The following CDK5RAP1 variants were observed in gnomAD, a reference collection of about 807,000 sequenced individuals.
CDK5RAP1 encodes mitochondrial tRNA methylthiotransferase CDK5RAP1.
Under a neutral mutation model 64.5 loss-of-function variants are expected in CDK5RAP1, and 62 were observed. That is an observed-to-expected ratio of 0.96 (90% CI 0.78 to 1.19). The LOEUF (loss-of-function observed/expected upper bound fraction) is 1.19, where lower values mean the gene tolerates loss of function less well. Among genes scored for constraint, CDK5RAP1 ranks in the 50% most tolerant of loss-of-function variants. The pLI, the probability that CDK5RAP1 is intolerant of heterozygous loss-of-function variation, is 0.00. For synonymous variants in CDK5RAP1, 250 were observed against 261.9 expected, an observed-to-expected ratio of 0.95 and a Z score of 0.44; for missense variants, 657 against 735.0, an observed-to-expected ratio of 0.89 and a Z score of 1.23.
In CDK5RAP1 at chr20:33,401,478, C is replaced by G. The variant is rs1253368594; in HGVS notation, c.-71G>C. 3.0e-6 allele frequency: 3 copies of G among 985,476 alleles called. No individual in the cohort carries two copies. The highest frequency in any genetic ancestry group is 3.6e-6 in the Non-Finnish European group (3 of 829,944). 61.0% of individuals were successfully genotyped at this position (985,476 alleles called of 1,614,324 possible). The stretch of plus-strand genomic sequence containing the variant: ...GGTCCCGCAGCGTAAGTTCTGCCGG[C>G]AAGTCGGATCCCCTCACAGGTCCGC... On this transcript the variant is annotated 5_prime_UTR_variant, in exon 1 of 14. Coordinates refer to ENST00000346416, the MANE Select transcript of CDK5RAP1 (RefSeq NM_016408.4).
At chr20:33,362,386 G>A (rs953639410) in intron 12 of CDK5RAP1, among the ~76,000 whole-genome samples, 1 of 152,130 alleles carries the variant, frequency 6.6e-6, no homozygotes, top group South Asian at 2.1e-4. Context: ...GTCAACACTC[G>A]GTGAAAATAT....
chr20:33,365,599 A>T (rs1023873618), intron 12 of CDK5RAP1, among the ~76,000 whole-genome samples: 9 of 17,026 alleles, frequency 5.3e-4, no homozygotes, highest in Non-Finnish European at 1.2e-3. Context: ...CTATAATGTA[A>T]AAAAAAAAAA....
chr20:33,365,407 G>A (rs1238095441), intron 12 of CDK5RAP1, among the ~76,000 whole-genome samples: 3 of 151,762 alleles, frequency 2.0e-5, no homozygotes, highest in Admixed American at 2.0e-4. Flanking sequence ...GAGTAGCTGG[G>A]ACTACAGGTG....
At position 33,372,663 on chromosome 20, in the gene CDK5RAP1, G is replaced by T; in HGVS notation, c.1240C>A (p.His414Asn). 6.4e-7 allele frequency: 1 copy of T among 1,567,716 alleles called. No homozygotes were observed. Among genetic ancestry groups the T allele is most frequent in the Non-Finnish European group, 8.6e-7 (1 of 1,160,194 alleles). The change falls in exon 10 of 14, where the codon CAT becomes AAT. Residue 414 changes from histidine to asparagine, a missense_variant. Coordinates refer to ENST00000346416, the MANE Select transcript of CDK5RAP1 (RefSeq NM_016408.4). Reference sequence around the variant, plus strand: ...GTACCTGGAATAGATTCTCTAATATGGTGAACTAACTCCACATAAGCTTCT... The same window carrying T: ...GTACCTGGAATAGATTCTCTAATATTGTGAACTAACTCCACATAAGCTTCT... The part of the protein sequence containing the change: ...SREAYVELVH[H>N]IRESIPGVSL...
intron 4 of CDK5RAP1, 119 bp downstream of exon 4, chr20:33,393,913 G>GC: frequency 2.6e-6 from 2 of 755,134 alleles, no homozygotes; most frequent in Non-Finnish European, 4.8e-6. Context: ...TGGGAAAACT[G>GC]CAAGTCCTAC....
At chr20:33,380,942 G>A (rs1986679952) in intron 7 of CDK5RAP1, among the ~76,000 whole-genome samples, 1 of 152,218 alleles carries the variant, frequency 6.6e-6, no homozygotes, top group Admixed American at 6.5e-5. Context: ...AGAGGCTGCA[G>A]TGAGCCGAGA....
At chr20:33,376,238 T>C (rs1181638533) in intron 8 of CDK5RAP1, among the ~76,000 whole-genome samples, 1 of 152,038 alleles carries the variant, frequency 6.6e-6, no homozygotes, top group Non-Finnish European at 1.5e-5. Context: ...GCAGGAGAAC[T>C]GCTTGAACCT....
intron 13 of CDK5RAP1, chr20:33,360,003 G>A: frequency 4.7e-6 from 1 of 214,256 alleles, no homozygotes; most frequent in Non-Finnish European, 9.3e-6. Flanking sequence ...TGAGCCGTCA[G>A]AGATCACAAA....
At chr20:33,393,692 T>C (rs1407817042) in intron 4 of CDK5RAP1, among the ~76,000 whole-genome samples, 1 of 152,184 alleles carries the variant, frequency 6.6e-6, no homozygotes, top group Non-Finnish European at 1.5e-5. Context: ...GGCAGCTATA[T>C]TATAAACATA....
At chr20:33,359,172 C>G (rs748436253) in intron 13 of CDK5RAP1, 49 bp from the exon 14 acceptor site, 2 of 1,364,958 alleles carry the variant, frequency 1.5e-6, no homozygotes, top group Non-Finnish European at 2.1e-6. Flanking sequence ...GACTGTAGCA[C>G]TGGGACTTCA....
At chr20:33,385,540 A>G in intron 7 of CDK5RAP1, 110 bp downstream of exon 7, 3 of 1,284,716 alleles carry the variant, frequency 2.3e-6, no homozygotes, top group Non-Finnish European at 3.3e-6. Context: ...CTGGCCAGGC[A>G]TGGTCCTAAA....
chr20:33,361,912 C>A (rs531932183), intron 12 of CDK5RAP1, among the ~76,000 whole-genome samples: 1 of 143,512 alleles, frequency 7.0e-6, no homozygotes, highest in Non-Finnish European at 1.5e-5. Flanking sequence ...GCCGAGATCA[C>A]GCCACTGCAC....
chr20:33,364,875 CT>C lies in CDK5RAP1; in HGVS notation c.1542+1983del, dbSNP rs79643943. Among the ~76,000 whole-genome samples, 415 of 139,806 alleles carry C rather than the reference CT, an allele frequency of 3.0e-3. 1 individual carries two copies. Among genetic ancestry groups the C allele is most frequent in the Admixed American group, 2.2e-3 (31 of 13,946 alleles). The allele number at this position is 139,806 out of a possible 152,430, so 91.7% of individuals were successfully genotyped here. ...AGGCATGAGCCACCGTGACCAGCCT[CT>C]TTTTTTTTTTTTTTGATACAGACTC... is the stretch of plus-strand genomic sequence containing the variant. On this transcript the variant is annotated intron_variant, in intron 12 of 13. Transcript: ENST00000346416.
At chr20:33,366,814 T>C (rs1236881554) in intron 12 of CDK5RAP1, 45 bp downstream of exon 12, 3 of 1,556,176 alleles carry the variant, frequency 1.9e-6, no homozygotes, top group East Asian at 4.6e-5. Context: ...GATCTAATGT[T>C]CTGAAACATA....
chr20:33,398,045 C>T (rs1044223611), intron 1 of CDK5RAP1, among the ~76,000 whole-genome samples: 12 of 152,048 alleles, frequency 7.9e-5, no homozygotes, highest in African/African-American at 2.9e-4. Flanking sequence ...CCACCCAGAC[C>T]CTCTCACACT....
chr20:33,393,805 A>G (rs1988600617), intron 4 of CDK5RAP1, among the ~76,000 whole-genome samples: 1 of 152,168 alleles, frequency 6.6e-6, no homozygotes, highest in Admixed American at 6.5e-5. Context: ...TGTTGTGATC[A>G]TTAAATTTGT....
At chr20:33,382,189 T>C (rs1159611370) in intron 7 of CDK5RAP1, among the ~76,000 whole-genome samples, 3 of 152,210 alleles carry the variant, frequency 2.0e-5, no homozygotes, top group African/African-American at 7.2e-5. Context: ...CCTGTAAATG[T>C]AAAGTCATTC....
chr20:33,383,332 C>A (rs1470375312), intron 7 of CDK5RAP1: 2 of 151,370 alleles, frequency 1.3e-5, no homozygotes, highest in Non-Finnish European at 2.9e-5. Flanking sequence ...TGAGGCCAGG[C>A]GTAGTGGGCT....
chr20:33,374,550 C>G (rs915675148), intron 8 of CDK5RAP1, among the ~76,000 whole-genome samples: 1 of 151,244 alleles, frequency 6.6e-6, no homozygotes, highest in Non-Finnish European at 1.5e-5. Context: ...AGCTAGCTTA[C>G]AAAGCAGTCA....
Sources: allele counts gnomAD v4.1 joint callset (sites outside exome capture counted in the v4.1 genomes callset), GRCh38; gene constraint gnomAD v4.1.1; transcripts MANE v1.5; gene names NCBI Gene and HGNC (gene_info 2026-07-23, HGNC 2026-07-21).